ZBTB16: variants seen among roughly 807,000 people sequenced by gnomAD.
The protein encoded by ZBTB16 is zinc finger and BTB domain-containing protein 16.
In ZBTB16, 8 loss-of-function variants were observed where a neutral mutation model predicts 56.8. That is an observed-to-expected ratio of 0.14 (90% CI 0.08 to 0.25). ZBTB16 has a LOEUF of 0.25. Ranked by LOEUF, ZBTB16 falls within the 10% of genes least tolerant of loss-of-function variation. The probability of loss-of-function intolerance (pLI) is 1.00; values close to 1 mark genes in which losing one functional copy is unlikely to be tolerated. For synonymous variants in ZBTB16, 363 were observed against 368.5 expected (o/e 0.98, Z 0.17); for missense variants, 625 against 903.0 (o/e 0.69, Z 3.95).
chr11:114,091,223 C>G (rs968905527), intron 2 of ZBTB16, among the ~76,000 whole-genome samples: 4 of 152,114 alleles, frequency 2.6e-5, no homozygotes, highest in African/African-American at 9.7e-5. Flanking sequence ...TGGCATGCAC[C>G]TATAGTCCCA....
chr11:114,209,487 C>G, intron 4 of ZBTB16: 30 of 985,360 alleles, frequency 3.0e-5, no homozygotes, highest in Non-Finnish European at 3.5e-5. Flanking sequence ...GCCCCTCTCC[C>G]CAGACCCTTC....
At chr11:114,126,227 G>C (rs1334674259) in intron 2 of ZBTB16, among the ~76,000 whole-genome samples, 1 of 152,208 alleles carries the variant, frequency 6.6e-6, no homozygotes, top group Non-Finnish European at 1.5e-5. Context: ...TCTAATGCCA[G>C]CTCTGCCCCA....
chr11:114,130,940 T>C (rs1284103340), intron 2 of ZBTB16, among the ~76,000 whole-genome samples: 1 of 152,234 alleles, frequency 6.6e-6, no homozygotes, highest in Non-Finnish European at 1.5e-5. Context: ...CTGAAATGCT[T>C]TGCAAAACAG....
intron 2 of ZBTB16, among the ~76,000 whole-genome samples, chr11:114,095,143 A>C (rs990599549): frequency 2.0e-5 from 3 of 151,976 alleles, no homozygotes; most frequent in Non-Finnish European, 2.9e-5. Flanking sequence ...ATGAAGATGC[A>C]CGTGCACGCG....
intron 2 of ZBTB16, among the ~76,000 whole-genome samples, chr11:114,124,570 A>AAC (rs1941445924): frequency 4.8e-5 from 7 of 146,580 alleles, no homozygotes; most frequent in African/African-American, 1.8e-4. Context: ...AAAAAAAAAA[A>AAC]AACAAAAACA....
At chr11:114,146,121 G>T (rs1942092559) in intron 2 of ZBTB16, among the ~76,000 whole-genome samples, 1 of 152,136 alleles carries the variant, frequency 6.6e-6, no homozygotes, top group Admixed American at 6.5e-5. Context: ...GTAGCAGTGG[G>T]GCATGAGTCG....
chr11:114,255,653 G>T lies in ZBTB16; in HGVS notation c.*5098G>T, dbSNP rs1194429099. 6.7e-6 allele frequency among the ~76,000 whole-genome samples: 1 copy of T among 149,688 alleles called. No homozygotes were observed. Among genetic ancestry groups the T allele is most frequent in the Non-Finnish European group, 1.5e-5 (1 of 67,806 alleles). On this transcript the variant is annotated 3_prime_UTR_variant, in exon 7 of 7. Transcript: ENST00000335953. ...TGTGCAGTCCTGGTTGCAGCTTTCC[G>T]CATCTGCCTTCGTTTCGTGTAGATT...
At chr11:114,141,141 C>T (rs1349059851) in intron 2 of ZBTB16, among the ~76,000 whole-genome samples, 1 of 152,218 alleles carries the variant, frequency 6.6e-6, no homozygotes, top group Non-Finnish European at 1.5e-5. Context: ...GCTTGCCCGG[C>T]GGGGTATGCT....
chr11:114,204,166 T>A (rs1943799101), intron 4 of ZBTB16, among the ~76,000 whole-genome samples: 1 of 152,056 alleles, frequency 6.6e-6, no homozygotes, highest in Non-Finnish European at 1.5e-5. Flanking sequence ...TTTTTTTTTT[T>A]TTTCTGAGAC....
chr11:114,077,804 G>C (rs910131220), intron 2 of ZBTB16, among the ~76,000 whole-genome samples: 1 of 152,216 alleles, frequency 6.6e-6, no homozygotes, highest in African/African-American at 2.4e-5. Context: ...CTGAAGAAAA[G>C]TGTTAAGATT....
intron 2 of ZBTB16, among the ~76,000 whole-genome samples, chr11:114,084,698 C>G (rs185500061): frequency 6.6e-6 from 1 of 152,124 alleles, no homozygotes; most frequent in African/African-American, 2.4e-5. Flanking sequence ...GATTAGACAC[C>G]CTTCTCCACG....
chr11:114,166,831 T>G (rs1272521979), intron 3 of ZBTB16, among the ~76,000 whole-genome samples: 1 of 152,112 alleles, frequency 6.6e-6, no homozygotes, highest in Non-Finnish European at 1.5e-5. Flanking sequence ...CCCATGACCT[T>G]TGGGGCTCAG....
chr11:114,068,519 A>G (rs1350124116), intron 2 of ZBTB16, among the ~76,000 whole-genome samples: 1 of 152,210 alleles, frequency 6.6e-6, no homozygotes, highest in Non-Finnish European at 1.5e-5. Context: ...AAGTGTAGTC[A>G]TGGATGGGTG....
chr11:114,091,835 C>G (rs1258361691), intron 2 of ZBTB16, among the ~76,000 whole-genome samples: 3 of 152,088 alleles, frequency 2.0e-5, no homozygotes, highest in Non-Finnish European at 4.4e-5. Context: ...TCCCCTCCCC[C>G]TCTCCTAAGC....
intron 3 of ZBTB16, among the ~76,000 whole-genome samples, chr11:114,166,458 A>G (rs570904321): frequency 1.6e-4 from 24 of 152,134 alleles, no homozygotes; most frequent in Admixed American, 1.6e-3. Context: ...TAATCAGAAC[A>G]CCATGTGTGC....
intron 2 of ZBTB16, among the ~76,000 whole-genome samples, chr11:114,089,828 T>C (rs1346392863): frequency 6.6e-6 from 1 of 152,208 alleles, no homozygotes; most frequent in Non-Finnish European, 1.5e-5. Context: ...CCCTCTAGAC[T>C]TCGCAGGTAA....
chr11:114,069,583 G>A (rs1383700424), intron 2 of ZBTB16, among the ~76,000 whole-genome samples: 2 of 152,180 alleles, frequency 1.3e-5, no homozygotes, highest in African/African-American at 4.8e-5. Flanking sequence ...TGTTTTTAGT[G>A]GTTGATCATG....
chr11:114,241,182 T>C (rs974585099), intron 4 of ZBTB16, among the ~76,000 whole-genome samples: 1 of 151,974 alleles, frequency 6.6e-6, no homozygotes, highest in South Asian at 2.1e-4. Flanking sequence ...CAAATAATAC[T>C]TGTTGAGTGA....
chr11:114,064,524 G>T lies in ZBTB16; in HGVS notation c.1224G>T (p.Val408=). The T allele has an allele frequency of 6.2e-7, 1 of 1,614,092 alleles. No homozygotes were observed. Among genetic ancestry groups the T allele is most frequent in the Non-Finnish European group, 8.5e-7 (1 of 1,180,040 alleles). The change falls in exon 2 of 7, where the codon GTG becomes GTT. Residue 408 remains valine, a synonymous_variant. Transcript: ENST00000335953. This position sits in a 1 kb window ranked among gnomAD's most constrained non-coding sequence, Gnocchi z 4.2. The stretch of plus-strand genomic sequence containing the variant: ...GGACCATCGGAGAGCAGTGCAGCGT[G>T]TGTGGGGTCGAGCTTCCTGATAACG... ...ESRTIGEQCS[V]CGVELPDNEA...
Sources: allele counts gnomAD v4.1 joint callset (sites outside exome capture counted in the v4.1 genomes callset), GRCh38; gene constraint gnomAD v4.1.1; non-coding constraint Gnocchi (gnomAD v3.1); transcripts MANE v1.5; gene names NCBI Gene and HGNC (gene_info 2026-07-23, HGNC 2026-07-21).